Variants in PDE4D observed in about 807,000 individuals in gnomAD.
PDE4D encodes the protein 3',5'-cyclic-AMP phosphodiesterase 4D.
A neutral mutation model predicts 87.4 loss-of-function variants in PDE4D; 24 were observed. That is an observed-to-expected ratio of 0.27 (90% confidence interval 0.20 to 0.39). The LOEUF (loss-of-function observed/expected upper bound fraction) is 0.39. PDE4D is among the 10% of genes least tolerant of loss of function. PDE4D has a pLI of 1.00. For synonymous variants in PDE4D, 384 were observed against 383.2 expected, an observed-to-expected ratio of 1.00 and a Z score of -0.02; for missense variants, 714 against 1,041.0, an observed-to-expected ratio of 0.69 and a Z score of 4.32.
intron 6 of PDE4D, among the ~76,000 whole-genome samples, chr5:59,028,713 G>A (rs929509526): frequency 6.6e-6 from 1 of 152,050 alleles, no homozygotes; most frequent in African/African-American, 2.4e-5. Context: ...TCTGCTGAAC[G>A]AATTTGCCAT....
intron 2 of PDE4D, among the ~76,000 whole-genome samples, chr5:60,035,311 A>G (rs1482594152): frequency 1.3e-5 from 2 of 151,798 alleles, no homozygotes; most frequent in East Asian, 1.9e-4. Context: ...AATGTTGAGA[A>G]TAGCACATCA....
At chr5:60,101,854 C>T (rs1052912482) in intron 2 of PDE4D, among the ~76,000 whole-genome samples, 1 of 152,034 alleles carries the variant, frequency 6.6e-6, no homozygotes, top group African/African-American at 2.4e-5. Flanking sequence ...TTTAATTTTC[C>T]TTTATTATTA....
At chr5:60,160,699 A>G (rs1782400210) in intron 2 of PDE4D, 1 of 331,080 alleles carries the variant, frequency 3.0e-6, no homozygotes, top group South Asian at 2.4e-5. Context: ...TACTTTGACT[A>G]TCATGGTTCT....
At chr5:59,966,194 C>T (rs948063593) in intron 3 of PDE4D, among the ~76,000 whole-genome samples, 2 of 152,160 alleles carry the variant, frequency 1.3e-5, no homozygotes, top group African/African-American at 4.8e-5. Flanking sequence ...AGTAAAATAA[C>T]ATCTCTCTAC....
intron 1 of PDE4D, among the ~76,000 whole-genome samples, chr5:59,788,186 T>C (rs16890182): frequency 0.054 from 8,232 of 152,224 alleles, 780 homozygotes; most frequent in African/African-American, 0.19. Flanking sequence ...TTAACATGTT[T>C]AATGATTTCA....
chr5:59,970,635 T>C (rs1760620371), intron 3 of PDE4D, among the ~76,000 whole-genome samples: 1 of 151,002 alleles, frequency 6.6e-6, no homozygotes, highest in Admixed American at 6.6e-5. Flanking sequence ...ATCAGAGAAA[T>C]GCAAATCAAA....
intron 1 of PDE4D, among the ~76,000 whole-genome samples, chr5:59,330,572 C>T (rs975429105): frequency 1.3e-5 from 2 of 152,088 alleles, no homozygotes; most frequent in Admixed American, 6.6e-5. Flanking sequence ...GCTACCTTCC[C>T]CTGAAGTATC....
chr5:60,348,943 T>C (rs972748092), intron 1 of PDE4D, among the ~76,000 whole-genome samples: 2 of 152,156 alleles, frequency 1.3e-5, no homozygotes, highest in Non-Finnish European at 2.9e-5. Flanking sequence ...TTAATACAAA[T>C]AGTGTCAATT....
chr5:59,981,480 G>A (rs1761929501), intron 3 of PDE4D, among the ~76,000 whole-genome samples: 1 of 152,070 alleles, frequency 6.6e-6, no homozygotes, highest in South Asian at 2.1e-4. Context: ...AAGATTATTG[G>A]AAGTATTGTT....
intron 1 of PDE4D, among the ~76,000 whole-genome samples, chr5:59,633,657 G>C (rs974871398): frequency 1.2e-4 from 19 of 152,134 alleles, no homozygotes; most frequent in African/African-American, 4.3e-4. Context: ...AATTGAAGAA[G>C]AAACAAAATC....
At chr5:59,175,441 T>A (rs1438512433) in intron 5 of PDE4D, among the ~76,000 whole-genome samples, 3 of 149,194 alleles carry the variant, frequency 2.0e-5, no homozygotes, top group Non-Finnish European at 4.5e-5. Context: ...GAGTTCCTCA[T>A]CACATTCGGA....
At chr5:59,039,342 G>T in intron 5 of PDE4D, 1 of 1,037,682 alleles carries the variant, frequency 9.6e-7, no homozygotes, top group Non-Finnish European at 1.2e-6. Flanking sequence ...GGATGGCGAG[G>T]GGGTGGCGAG....
chr5:59,870,913 C>T (rs1346187020), intron 1 of PDE4D, among the ~76,000 whole-genome samples: 12 of 152,088 alleles, frequency 7.9e-5, no homozygotes, highest in African/African-American at 1.9e-4. Flanking sequence ...GTGCAGTTGC[C>T]GCTTGTTTTG....
At chr5:59,866,194 T>C (rs1300025590) in intron 1 of PDE4D, among the ~76,000 whole-genome samples, 1 of 152,234 alleles carries the variant, frequency 6.6e-6, no homozygotes, top group East Asian at 1.9e-4. Flanking sequence ...TTCTTAAAAT[T>C]TGCAGCAGAC....
At chr5:59,814,978 C>T (rs1177180277) in intron 1 of PDE4D, among the ~76,000 whole-genome samples, 1 of 152,140 alleles carries the variant, frequency 6.6e-6, no homozygotes, top group Non-Finnish European at 1.5e-5. Context: ...CAGATATACA[C>T]ACGTTTTTGC....
intron 1 of PDE4D, among the ~76,000 whole-genome samples, chr5:59,645,845 AC>A (rs1742350968): frequency 6.6e-6 from 1 of 152,198 alleles, no homozygotes. Context: ...ATATGAAATC[AC>A]CCCCAAAAAT....
At chr5:60,407,236 C>T (rs914319856) in intron 1 of PDE4D, among the ~76,000 whole-genome samples, 11 of 151,866 alleles carry the variant, frequency 7.2e-5, no homozygotes, top group Non-Finnish European at 1.6e-4. Flanking sequence ...TCTTAGCTCC[C>T]GAGCACACTG....
At chr5:59,150,523 A>G (rs1779319659) in intron 5 of PDE4D, among the ~76,000 whole-genome samples, 1 of 152,164 alleles carries the variant, frequency 6.6e-6, no homozygotes, top group African/African-American at 2.4e-5. Flanking sequence ...ACCCTAGATT[A>G]TAAGGAGTAA....
At chr5:60,467,686 GA>G (rs1747467393) in intron 1 of PDE4D, among the ~76,000 whole-genome samples, 1 of 152,150 alleles carries the variant, frequency 6.6e-6, no homozygotes, top group South Asian at 2.1e-4. Flanking sequence ...AATTTATGAA[GA>G]AAAGAGGTCC....
Sources: gnomAD v4.1 joint callset for allele counts (sites outside exome capture counted in the v4.1 genomes callset) on GRCh38, gnomAD v4.1.1 for gene constraint, MANE v1.5 for transcripts, NCBI Gene and HGNC (gene_info 2026-07-23, HGNC 2026-07-21) for gene names.